Variants in CPNE4 observed in about 807,000 individuals in gnomAD.
The protein encoded by CPNE4 is copine-4.
Under a neutral mutation model 67.9 loss-of-function variants are expected in CPNE4, and 25 were observed. That is an observed-to-expected ratio of 0.37 (90% CI 0.27 to 0.51). The LOEUF (loss-of-function observed/expected upper bound fraction) is 0.51, where lower values mean the gene tolerates loss of function less well. Among genes scored for constraint, CPNE4 ranks in the 20% least tolerant of loss-of-function variants. The pLI is 0.93. For synonymous variants in CPNE4, 242 were observed against 244.9 expected (o/e 0.99, Z 0.11); for missense variants, 464 against 690.8 (o/e 0.67, Z 3.68).
chr3:131,596,571 G>A (rs1305686548), intron 7 of CPNE4, among the ~76,000 whole-genome samples: 1 of 90,438 alleles, frequency 1.1e-5, no homozygotes, highest in African/African-American at 5.4e-5. Context: ...GCAGTGAGCC[G>A]AGATCCCGCC....
At chr3:131,778,849 C>A (rs1308077985) in intron 2 of CPNE4, among the ~76,000 whole-genome samples, 3 of 151,990 alleles carry the variant, frequency 2.0e-5, no homozygotes, top group African/African-American at 7.2e-5. Context: ...AGTAATCAGG[C>A]AAGAGAAAGA....
chr3:131,749,751 G>C lies in CPNE4; in HGVS notation c.181-26126C>G, dbSNP rs141691088. ...CTTTACTCTGAAGTTTAATGTATTT[G>C]ATATTAATTTAGGCACGTCTGCTTT... On this transcript the variant is annotated intron_variant, in intron 2 of 15. Transcript: ENST00000429747. 3.0e-3 allele frequency among the ~76,000 whole-genome samples: 452 copies of C among 152,128 alleles called. 1 individual carries two copies. Among genetic ancestry groups the C allele is most frequent in the African/African-American group, 0.01 (424 of 41,502 alleles).
At chr3:131,693,642 G>C (rs1166208994) in intron 5 of CPNE4, among the ~76,000 whole-genome samples, 1 of 152,026 alleles carries the variant, frequency 6.6e-6, no homozygotes, top group African/African-American at 2.4e-5. Context: ...TTATGTCTTG[G>C]CATTATTATG....
In CPNE4 at chr3:131,534,406, A is replaced by T. The variant is rs1935027016; in HGVS notation, c.*789T>A. ...AGCCACGCTGTTTTTGATGGTCTCC[A>T]TCATGACACCCTAAAGTCTAGATCC... is the stretch of plus-strand genomic sequence containing the variant. On this transcript the variant is annotated 3_prime_UTR_variant, in exon 16 of 16. Coordinates refer to ENST00000429747, the MANE Select transcript of CPNE4 (RefSeq NM_130808.3). The T allele has an allele frequency of 6.6e-6, 1 of 152,206 alleles. No homozygotes were observed. The allele number at this position is 152,206 out of a possible 1,614,324, so 9.4% of individuals were successfully genotyped here. A position where few individuals can be genotyped will look rare whatever the true frequency, so the allele number is the denominator to read the frequency against.
chr3:131,642,731 G>C (rs2079570401), intron 7 of CPNE4, among the ~76,000 whole-genome samples: 1 of 152,040 alleles, frequency 6.6e-6, no homozygotes, highest in Non-Finnish European at 1.5e-5. Flanking sequence ...CCCTTTGCTT[G>C]GCACTTCCCT....
At chr3:131,616,918 G>A (rs16837246) in intron 7 of CPNE4, among the ~76,000 whole-genome samples, 16,132 of 152,158 alleles carry the variant, frequency 0.11, 1,137 homozygotes, top group African/African-American at 0.2. Flanking sequence ...TAAGGCTTTG[G>A]CCAAATGGTT....
At chr3:131,774,646 G>C (rs2083250946) in intron 2 of CPNE4, among the ~76,000 whole-genome samples, 1 of 152,122 alleles carries the variant, frequency 6.6e-6, no homozygotes, top group South Asian at 2.1e-4. Flanking sequence ...AATGCAATAT[G>C]ATGTCCCTTG....
intron 1 of CPNE4, among the ~76,000 whole-genome samples, chr3:131,939,854 T>C (rs1251170473): frequency 6.6e-6 from 1 of 152,138 alleles, no homozygotes; most frequent in Non-Finnish European, 1.5e-5. Flanking sequence ...ACAGTAGCTA[T>C]CTTTCATAAG....
At chr3:132,030,716 C>T (rs995834962) in intron 1 of CPNE4, among the ~76,000 whole-genome samples, 2 of 152,132 alleles carry the variant, frequency 1.3e-5, no homozygotes, top group African/African-American at 4.8e-5. Context: ...GAAAATATAT[C>T]CAATATATCA....
chr3:131,747,505 GGTTTTCA>G (rs1043332957), intron 2 of CPNE4, among the ~76,000 whole-genome samples: 19 of 151,050 alleles, frequency 1.3e-4, no homozygotes, highest in Admixed American at 1.1e-3. Flanking sequence ...TGTAAGTGTT[GGTTTTCA>G]CTTTAGTATT....
intron 7 of CPNE4, among the ~76,000 whole-genome samples, chr3:131,628,032 C>A (rs115720760): frequency 0.016 from 2,496 of 152,248 alleles, 42 homozygotes; most frequent in South Asian, 0.046. Context: ...GAAATTCAAC[C>A]ATGGGTAAAA....
At chr3:131,647,937 G>A (rs868210432) in intron 7 of CPNE4, among the ~76,000 whole-genome samples, 2 of 152,058 alleles carry the variant, frequency 1.3e-5, no homozygotes, top group East Asian at 1.9e-4. Context: ...GTAGCACTCT[G>A]TTTTTCTTCT....
intron 3 of CPNE4, among the ~76,000 whole-genome samples, chr3:131,716,179 T>C (rs1263491638): frequency 6.6e-6 from 1 of 152,070 alleles, no homozygotes; most frequent in Non-Finnish European, 1.5e-5. Flanking sequence ...AGTCCTGCTG[T>C]TTCACAAGGC....
At chr3:131,621,578 A>G (rs1006409186) in intron 7 of CPNE4, among the ~76,000 whole-genome samples, 5 of 152,120 alleles carry the variant, frequency 3.3e-5, no homozygotes, top group Admixed American at 3.3e-4. Context: ...ACCATGTCAG[A>G]TATCCTCTAG....
At chr3:131,753,055 A>G (rs1320776199) in intron 2 of CPNE4, among the ~76,000 whole-genome samples, 3 of 151,684 alleles carry the variant, frequency 2.0e-5, no homozygotes, top group Non-Finnish European at 4.4e-5. Context: ...TGTTGCTCAA[A>G]TAAATATAGG....
intron 15 of CPNE4, among the ~76,000 whole-genome samples, chr3:131,535,663 G>A (rs1935098234): frequency 6.6e-6 from 1 of 152,116 alleles, no homozygotes; most frequent in Non-Finnish European, 1.5e-5. Context: ...GCCACACTAG[G>A]GTTTGAGGGT....
At chr3:132,001,957 T>C (rs563738556) in intron 1 of CPNE4, among the ~76,000 whole-genome samples, 19 of 152,226 alleles carry the variant, frequency 1.2e-4, no homozygotes, top group African/African-American at 4.6e-4. Flanking sequence ...GGTTTTGTGT[T>C]TTTTTCCTAT....
intron 2 of CPNE4, among the ~76,000 whole-genome samples, chr3:131,845,054 C>T (rs6787747): frequency 0.22 from 32,983 of 152,050 alleles, 3,872 homozygotes; most frequent in Admixed American, 0.33. Flanking sequence ...GGAGAGAAAA[C>T]GATGACTTGT....
intron 1 of CPNE4, among the ~76,000 whole-genome samples, chr3:132,019,621 T>A (rs921088632): frequency 6.6e-6 from 1 of 152,110 alleles, no homozygotes; most frequent in Admixed American, 6.6e-5. Flanking sequence ...TAAAAAAAAA[T>A]TCAGCATTCA....
Sources: allele counts gnomAD v4.1 joint callset (sites outside exome capture counted in the v4.1 genomes callset), GRCh38; gene constraint gnomAD v4.1.1; transcripts MANE v1.5; gene names NCBI Gene and HGNC (gene_info 2026-07-23, HGNC 2026-07-21).